Variants in TTC7A observed in about 807,000 individuals in gnomAD.
The protein encoded by TTC7A is tetratricopeptide repeat protein 7A.
In TTC7A, 110 loss-of-function variants were observed where a neutral mutation model predicts 103.7. The ratio of observed to expected loss-of-function variants is 1.06; its 90% CI spans 0.91 to 1.24. The LOEUF is 1.24. TTC7A is among the 50% of genes most tolerant of loss of function. The pLI, the probability that TTC7A is intolerant of heterozygous loss-of-function variation, is 0.00. For synonymous variants in TTC7A, 521 were observed against 467.9 expected (o/e 1.11, Z -1.47); for missense variants, 1,340 against 1,116.3 (o/e 1.20, Z -2.86).
intron 10 of TTC7A, among the ~76,000 whole-genome samples, chr2:47,010,075 A>C (rs1677876647): frequency 6.6e-6 from 1 of 152,102 alleles, no homozygotes. Context: ...ACTTCTCCGC[A>C]TTTCAGTTTT....
chr2:46,962,291 C>A (rs1204996311), intron 3 of TTC7A, among the ~76,000 whole-genome samples: 1 of 152,212 alleles, frequency 6.6e-6, no homozygotes, highest in Non-Finnish European at 1.5e-5. Flanking sequence ...GTGCTGAGAG[C>A]TTCCCTTGGT....
rs1015331639 is a variant in TTC7A, at chr2:47,068,980, G to A, written c.2356-4722G>A. ...CCAAACTGTCCTTTACTGTGCCTTT[G>A]GCTGTACCTCCTGCCCAGAGAGGGG... On this transcript the variant is annotated intron_variant, in intron 19 of 19. Transcript: ENST00000319190. 3.3e-5 allele frequency among the ~76,000 whole-genome samples: 5 copies of A among 151,568 alleles called. No individual in the cohort carries two copies. In the East Asian group the frequency reaches 9.7e-4, roughly 29 times the overall value.
At chr2:46,986,167 C>T (rs1299148846) in intron 5 of TTC7A, among the ~76,000 whole-genome samples, 3 of 152,224 alleles carry the variant, frequency 2.0e-5, no homozygotes, top group African/African-American at 7.2e-5. Flanking sequence ...ATTCGGGCAT[C>T]TCTGAATGGT....
rs57259036 is a variant in TTC7A, at chr2:47,007,686, G to A, written c.1287+962G>A. Among the ~76,000 whole-genome samples the A allele has an allele frequency of 4.6e-5, 7 of 152,314 alleles. No individual in the cohort carries two copies. Among genetic ancestry groups the A allele is most frequent in the African/African-American group, 1.7e-4 (7 of 41,572 alleles). On this transcript the variant is annotated intron_variant, in intron 10 of 19. Coordinates refer to ENST00000319190, the MANE Select transcript of TTC7A (RefSeq NM_020458.4). This position sits in a 1 kb window ranked among gnomAD's most constrained non-coding sequence, Gnocchi z 4.9. ...AGCCGAGGCAGGCCAGGCCCTGGCA[G>A]GGAGGGGGAAGAGGAGCAGGTGCTG...
intron 2 of TTC7A, among the ~76,000 whole-genome samples, chr2:46,932,614 G>T (rs1489804806): frequency 2.6e-5 from 4 of 152,044 alleles, no homozygotes; most frequent in Admixed American, 6.6e-5. Flanking sequence ...ATAGAAGCAG[G>T]TGGAGGCCAG....
intron 2 of TTC7A, 60 bp downstream of exon 2, chr2:46,950,586 G>C: frequency 3.8e-6 from 6 of 1,563,596 alleles, no homozygotes; most frequent in Non-Finnish European, 5.2e-6. Context: ...CCTCGCATCT[G>C]TCCAGTCCTC....
At chr2:47,071,770 C>G (rs1684746262) in intron 19 of TTC7A, among the ~76,000 whole-genome samples, 1 of 152,202 alleles carries the variant, frequency 6.6e-6, no homozygotes, top group Admixed American at 6.5e-5. Flanking sequence ...GCAGACACAT[C>G]TGGCCCCTTC....
intron 8 of TTC7A, 53 bp downstream of exon 8, chr2:46,995,252 A>G (rs867462570): frequency 1.3e-5 from 21 of 1,595,006 alleles, no homozygotes; most frequent in Middle Eastern, 1.7e-4. Context: ...CCTGTGGGGA[A>G]GGGCTGTGGG....
intron 10 of TTC7A, among the ~76,000 whole-genome samples, chr2:47,008,085 A>C (rs921404142): frequency 1.3e-5 from 2 of 152,118 alleles, no homozygotes; most frequent in African/African-American, 4.8e-5. Flanking sequence ...CAGGGCCGGG[A>C]GGAGGTGGGG....
intron 6 of TTC7A, 38 bp from the exon 7 acceptor site, chr2:46,994,319 C>G (rs930504020): frequency 6.3e-7 from 1 of 1,593,592 alleles, no homozygotes; most frequent in Admixed American, 1.7e-5. Flanking sequence ...GTAGAGCTGA[C>G]AACTGTGCCT....
At chr2:47,036,984 G>T (rs1410624692) in intron 15 of TTC7A, among the ~76,000 whole-genome samples, 1 of 152,188 alleles carries the variant, frequency 6.6e-6, no homozygotes, top group Non-Finnish European at 1.5e-5. Flanking sequence ...GGGGTGAGGG[G>T]CAGGCTGGCT....
chr2:47,052,069 C>G lies in TTC7A; in HGVS notation c.2152+189C>G, dbSNP rs183613591. ...GTGGAGATGGTGTCTGCCTTCCTGCCTGGGAGAGCTTCTCTGGCAGCAAGC... is the reference window on the plus strand; with the variant it reads ...GTGGAGATGGTGTCTGCCTTCCTGCGTGGGAGAGCTTCTCTGGCAGCAAGC... On this transcript the variant is annotated intron_variant, in intron 18 of 19. Coordinates refer to ENST00000319190, the MANE Select transcript of TTC7A (RefSeq NM_020458.4). Among the ~76,000 whole-genome samples, 6 of 152,326 alleles carry G rather than the reference C, an allele frequency of 3.9e-5. No individual in the cohort carries two copies. The East Asian group carries it at 1.2e-3, about 29-fold the overall frequency.
chr2:46,919,423 C>T lies in TTC7A; in HGVS notation c.82+2146C>T, dbSNP rs771162386. Among the ~76,000 whole-genome samples, 58 of 152,166 alleles carry T rather than the reference C, an allele frequency of 3.8e-4. 1 individual carries two copies. The highest frequency in any genetic ancestry group is 8.5e-4 in the Admixed American group (13 of 15,284). The stretch of plus-strand genomic sequence containing the variant: ...TGACGCATGCTTGTAATCCCAGATA[C>T]TCGGGAGGCTGAAGCAGGAGAATTG... On this transcript the variant is annotated intron_variant, in intron 2 of 20. Transcript: ENST00000409245.
intron 2 of TTC7A, chr2:46,956,563 G>T (rs1298816172): frequency 4.8e-6 from 2 of 416,136 alleles, no homozygotes; most frequent in South Asian, 3.4e-5. Context: ...GGCCTAGTCT[G>T]CAAGGTCTCT....
chr2:46,953,354 C>G (rs1178642088), intron 2 of TTC7A, among the ~76,000 whole-genome samples: 2 of 152,200 alleles, frequency 1.3e-5, no homozygotes, highest in African/African-American at 4.8e-5. Context: ...AAAGTCTTGT[C>G]ATATTGCTCA....
chr2:47,068,698 C>CCACACA (rs569858807), intron 19 of TTC7A: 53 of 151,624 alleles, frequency 3.5e-4, no homozygotes, highest in African/African-American at 1.2e-3. Context: ...TGGCACAGCC[C>CCACACA]CACACACACA....
intron 15 of TTC7A, among the ~76,000 whole-genome samples, chr2:47,038,156 GGCT>G (rs1046829002): frequency 6.6e-6 from 1 of 151,982 alleles, no homozygotes; most frequent in Non-Finnish European, 1.5e-5. Flanking sequence ...CTACTCAGGA[GGCT>G]GAGGCAGGAG....
intron 4 of TTC7A, among the ~76,000 whole-genome samples, chr2:46,977,409 T>C (rs1395772938): frequency 6.6e-6 from 1 of 152,116 alleles, no homozygotes; most frequent in Admixed American, 6.5e-5. Context: ...TCCCCTCAGA[T>C]TAGACAAAGG....
At chr2:47,009,642 T>G (rs1444885097) in intron 10 of TTC7A, among the ~76,000 whole-genome samples, 1 of 152,132 alleles carries the variant, frequency 6.6e-6, no homozygotes, top group African/African-American at 2.4e-5. Context: ...CATACCCTGC[T>G]GTAGACAGGC....
Sources: gnomAD v4.1 joint callset for allele counts (sites outside exome capture counted in the v4.1 genomes callset) on GRCh38, gnomAD v4.1.1 for gene constraint, Gnocchi (gnomAD v3.1) non-coding constraint, MANE v1.5 for transcripts, NCBI Gene and HGNC (gene_info 2026-07-23, HGNC 2026-07-21) for gene names.